SGCD: variants seen among roughly 807,000 people sequenced by gnomAD.
The protein encoded by SGCD is delta-sarcoglycan.
SGCD carries 18 observed loss-of-function variants against 36.6 expected under a neutral mutation model. The observed-to-expected ratio is 0.49, with a 90% confidence interval of 0.34 to 0.73. SGCD has a LOEUF of 0.73. Ranked by LOEUF, SGCD falls within the 30% of genes least tolerant of loss-of-function variation. SGCD has a pLI of 0.01. For missense variants in SGCD, 387 were observed against 346.7 expected (o/e 1.12, Z -0.92); for synonymous variants, 133 against 130.6 (o/e 1.02, Z -0.12).
chr5:156,355,077 T>C (rs1769432474), intron 3 of SGCD, among the ~76,000 whole-genome samples: 2 of 152,248 alleles, frequency 1.3e-5, no homozygotes, highest in African/African-American at 4.8e-5. Flanking sequence ...TACACCTGGC[T>C]AGTAGCTGCC....
intron 1 of SGCD, among the ~76,000 whole-genome samples, chr5:155,871,001 A>G (rs930470577): frequency 3.3e-5 from 5 of 152,138 alleles, no homozygotes; most frequent in African/African-American, 1.2e-4. Context: ...TTAGCAGGGA[A>G]TAAAGGTGGG....
chr5:156,738,001 A>C (rs1756463117), intron 7 of SGCD, among the ~76,000 whole-genome samples: 1 of 152,204 alleles, frequency 6.6e-6, no homozygotes, highest in Non-Finnish European at 1.5e-5. Context: ...ATTTAAATGA[A>C]AAATCCAAAT....
At chr5:156,265,587 T>C (rs972910072) in intron 3 of SGCD, among the ~76,000 whole-genome samples, 9 of 151,540 alleles carry the variant, frequency 5.9e-5, no homozygotes, top group Non-Finnish European at 1.2e-4. Flanking sequence ...TAAATATCTT[T>C]TCCCTCTCTT....
chr5:156,194,556 A>C lies in SGCD; in HGVS notation c.-44+70537A>C, dbSNP rs542176060. 2.0e-5 allele frequency among the ~76,000 whole-genome samples: 3 copies of C among 152,260 alleles called. No homozygotes were observed. The South Asian group carries it at 6.2e-4, about 32-fold the overall frequency. Reference sequence around the variant, plus strand: ...GTGTTATATTCTATTTTAGGAATTTAAGGTATTTTGCATAGATAAGCTACA... The same window carrying C: ...GTGTTATATTCTATTTTAGGAATTTCAGGTATTTTGCATAGATAAGCTACA... On this transcript the variant is annotated intron_variant, in intron 3 of 9. Coordinates refer to the SGCD transcript ENST00000517913.
chr5:155,811,282 GCAA>G, the SGCD span, among the ~76,000 whole-genome samples: 1,389 of 151,868 alleles, frequency 9.1e-3, 22 homozygotes, highest in African/African-American at 0.032. Flanking sequence ...ATTCCACAGA[GCAA>G]CAACAACAAC....
Position 156,055,263 on chromosome 5 carries a change from T to C in SGCD, c.-281-62615T>C, listed in dbSNP as rs893321435. Among the ~76,000 whole-genome samples, 13 of 145,866 alleles carry C rather than the reference T, an allele frequency of 8.9e-5. No homozygotes were observed. The East Asian group carries it at 2.3e-3, about 26-fold the overall frequency. On this transcript the variant is annotated intron_variant, in intron 1 of 9. Transcript: ENST00000517913. Reference sequence around the variant, plus strand: ...AAATAAAGTAGCCTCTGATAGACTATGAGAAGAAAAGTAGTAAAGGTGGCT... The same window carrying C: ...AAATAAAGTAGCCTCTGATAGACTACGAGAAGAAAAGTAGTAAAGGTGGCT...
intron 3 of SGCD, among the ~76,000 whole-genome samples, chr5:156,319,161 G>C: frequency 6.6e-6 from 1 of 152,106 alleles, no homozygotes; most frequent in Non-Finnish European, 1.5e-5. Context: ...AGCCAGACTG[G>C]CCCAGTCTGT....
At chr5:156,083,783 T>G (rs975032977) in intron 1 of SGCD, among the ~76,000 whole-genome samples, 11 of 152,126 alleles carry the variant, frequency 7.2e-5, no homozygotes, top group South Asian at 2.1e-4. Flanking sequence ...GTTTTTTTTT[T>G]GTTTTGTTTT....
At chr5:156,227,725 C>T (rs1385482855) in intron 3 of SGCD, among the ~76,000 whole-genome samples, 2 of 151,954 alleles carry the variant, frequency 1.3e-5, no homozygotes, top group Non-Finnish European at 2.9e-5. Flanking sequence ...CCTTGAGGTG[C>T]AACGTTAGAT....
intron 7 of SGCD, among the ~76,000 whole-genome samples, chr5:156,651,987 T>G (rs1763480216): frequency 6.6e-6 from 1 of 152,088 alleles, no homozygotes; most frequent in Non-Finnish European, 1.5e-5. Flanking sequence ...TGTAGAGATC[T>G]TCTTCTTCCT....
chr5:155,805,559 G>A, the SGCD span, among the ~76,000 whole-genome samples: 1 of 152,148 alleles, frequency 6.6e-6, no homozygotes, highest in Non-Finnish European at 1.5e-5. Flanking sequence ...ATCTCTGGCT[G>A]CTACACACCA....
intron 1 of SGCD, among the ~76,000 whole-genome samples, chr5:155,879,739 C>T (rs1190286862): frequency 2.0e-5 from 3 of 152,050 alleles, no homozygotes; most frequent in Non-Finnish European, 4.4e-5. Context: ...TAAAGGTTTT[C>T]AAAACTTTCC....
At chr5:155,874,556 T>G (rs1755726175) in intron 1 of SGCD, among the ~76,000 whole-genome samples, 1 of 152,046 alleles carries the variant, frequency 6.6e-6, no homozygotes, top group African/African-American at 2.4e-5. Flanking sequence ...AAGAGAACAA[T>G]TTTTGTAACT....
chr5:156,181,656 G>A (rs1303893165), intron 3 of SGCD, among the ~76,000 whole-genome samples: 1 of 152,178 alleles, frequency 6.6e-6, no homozygotes, highest in Non-Finnish European at 1.5e-5. Context: ...GCAAGGTGAT[G>A]TGATTAGATA....
chr5:156,072,587 G>A (rs1581079505), intron 1 of SGCD, among the ~76,000 whole-genome samples: 2 of 151,974 alleles, frequency 1.3e-5, no homozygotes, highest in African/African-American at 4.8e-5. Flanking sequence ...TTCAACTTTG[G>A]TGAATCTGAC....
intron 1 of SGCD, among the ~76,000 whole-genome samples, chr5:155,899,341 C>T (rs536928349): frequency 6.6e-6 from 1 of 152,140 alleles, no homozygotes; most frequent in Non-Finnish European, 1.5e-5. Context: ...AAATAATATC[C>T]GTGTGGCAGG....
chr5:156,595,320 T>A (rs1760883318), intron 6 of SGCD, among the ~76,000 whole-genome samples: 1 of 152,146 alleles, frequency 6.6e-6, no homozygotes, highest in Non-Finnish European at 1.5e-5. Flanking sequence ...GTCAGCAGTC[T>A]GCAACCTGGA....
chr5:156,517,873 GC>G (rs1286698669), intron 4 of SGCD, among the ~76,000 whole-genome samples: 1 of 152,096 alleles, frequency 6.6e-6, no homozygotes, highest in Non-Finnish European at 1.5e-5. Context: ...ACTGTTACCA[GC>G]CACTAAAAAA....
At chr5:156,640,734 G>A (rs1762996809) in intron 6 of SGCD, among the ~76,000 whole-genome samples, 1 of 152,156 alleles carries the variant, frequency 6.6e-6, no homozygotes, top group Non-Finnish European at 1.5e-5. Context: ...TTTGTTGAAT[G>A]AATTAATTTT....
Sources: allele counts gnomAD v4.1 joint callset (sites outside exome capture counted in the v4.1 genomes callset), GRCh38; gene constraint gnomAD v4.1.1; transcripts MANE v1.5; gene names NCBI Gene and HGNC (gene_info 2026-07-23, HGNC 2026-07-21).